Variants in MACROD2 observed in about 807,000 individuals in gnomAD.
The protein encoded by MACROD2 is mono-ADP ribosylhydrolase 2.
A neutral mutation model predicts 70.4 loss-of-function variants in MACROD2; 36 were observed. That is an observed-to-expected ratio of 0.51 (90% confidence interval 0.39 to 0.68). MACROD2 has a LOEUF of 0.68. Ranked by LOEUF, MACROD2 falls within the 30% of genes least tolerant of loss-of-function variation. MACROD2 has a pLI of 0.00. For synonymous variants in MACROD2, 172 were observed against 178.8 expected (o/e 0.96, Z 0.30); for missense variants, 496 against 538.4 (o/e 0.92, Z 0.78).
chr20:15,214,312 G>T (rs1482919172), intron 5 of MACROD2, among the ~76,000 whole-genome samples: 1 of 152,076 alleles, frequency 6.6e-6, no homozygotes, highest in Non-Finnish European at 1.5e-5. Context: ...TAAGAACTAA[G>T]TGAGGACTCC....
chr20:15,478,609 T>C (rs1371809212), intron 7 of MACROD2, among the ~76,000 whole-genome samples: 2 of 152,028 alleles, frequency 1.3e-5, no homozygotes, highest in African/African-American at 4.8e-5. Context: ...TTTTTGAGCC[T>C]AGACGTTCTC....
At chr20:15,754,514 G>A (rs536613696) in intron 8 of MACROD2, among the ~76,000 whole-genome samples, 4 of 152,048 alleles carry the variant, frequency 2.6e-5, no homozygotes, top group Middle Eastern at 3.4e-3. Context: ...GGAGGCTGAG[G>A]TAGGAGAATC....
intron 3 of MACROD2, among the ~76,000 whole-genome samples, chr20:14,354,377 T>C (rs1316238823): frequency 6.6e-6 from 1 of 152,198 alleles, no homozygotes; most frequent in East Asian, 1.9e-4. Flanking sequence ...AACTTAAATA[T>C]TTGTTTCTTG....
chr20:14,891,474 T>C (rs2073759261), intron 5 of MACROD2, among the ~76,000 whole-genome samples: 1 of 152,194 alleles, frequency 6.6e-6, no homozygotes, highest in Non-Finnish European at 1.5e-5. Context: ...CCTAACAAGA[T>C]AATAAATTCT....
At chr20:14,810,399 C>A (rs1287755260) in intron 5 of MACROD2, among the ~76,000 whole-genome samples, 1 of 151,962 alleles carries the variant, frequency 6.6e-6, no homozygotes, top group Non-Finnish European at 1.5e-5. Context: ...CCCCTTCATG[C>A]TAAAAACTCT....
chr20:14,556,963 T>G (rs1979074620), intron 4 of MACROD2, among the ~76,000 whole-genome samples: 1 of 151,978 alleles, frequency 6.6e-6, no homozygotes, highest in African/African-American at 2.4e-5. Flanking sequence ...ACTTAGATTT[T>G]CTGATTTTAA....
intron 5 of MACROD2, among the ~76,000 whole-genome samples, chr20:15,185,143 TCCTC>T (rs1158377709): frequency 1.3e-5 from 2 of 152,198 alleles, no homozygotes; most frequent in African/African-American, 4.8e-5. Context: ...TATCTTTGTA[TCCTC>T]CCTATTACCA....
At chr20:14,114,010 G>A (rs2148687197) in intron 3 of MACROD2, among the ~76,000 whole-genome samples, 1 of 151,934 alleles carries the variant, frequency 6.6e-6, no homozygotes, top group East Asian at 1.9e-4. Flanking sequence ...CTATCTTTAG[G>A]TATAGAAAAA....
chr20:16,016,982 C>G (rs1017168098), intron 15 of MACROD2, among the ~76,000 whole-genome samples: 1 of 152,208 alleles, frequency 6.6e-6, no homozygotes, highest in South Asian at 2.1e-4. Context: ...TCAACCTAAT[C>G]AAAACTACCT....
chr20:14,447,491 A>G (rs764242980), intron 3 of MACROD2, among the ~76,000 whole-genome samples: 10 of 152,080 alleles, frequency 6.6e-5, no homozygotes, highest in Non-Finnish European at 1.5e-4. Flanking sequence ...GTATGTGTGT[A>G]CGTACACGTG....
chr20:15,700,124 G>A (rs1407407525), intron 8 of MACROD2, among the ~76,000 whole-genome samples: 1 of 152,162 alleles, frequency 6.6e-6, no homozygotes, highest in Non-Finnish European at 1.5e-5. Flanking sequence ...GGTCCTGCAG[G>A]AGCAGTCTGC....
chr20:15,635,884 A>G (rs1466848424), intron 8 of MACROD2, among the ~76,000 whole-genome samples: 1 of 152,022 alleles, frequency 6.6e-6, no homozygotes, highest in African/African-American at 2.4e-5. Flanking sequence ...CCTGGCCAAC[A>G]TGGCAAAACC....
chr20:15,578,071 T>C (rs1161171425), intron 8 of MACROD2, among the ~76,000 whole-genome samples: 1 of 152,218 alleles, frequency 6.6e-6, no homozygotes, highest in Non-Finnish European at 1.5e-5. Flanking sequence ...TAACTTTGTA[T>C]GTTTTTGTAG....
chr20:14,177,488 G>T (rs1400260297), intron 3 of MACROD2, among the ~76,000 whole-genome samples: 2 of 151,862 alleles, frequency 1.3e-5, no homozygotes, highest in Admixed American at 6.6e-5. Context: ...GGCTAATTTT[G>T]TATTTTTAGT....
chr20:14,302,495 C>G (rs954027381), intron 3 of MACROD2, among the ~76,000 whole-genome samples: 5 of 152,056 alleles, frequency 3.3e-5, no homozygotes, highest in Admixed American at 6.5e-5. Context: ...GAGTTTGGTA[C>G]TTCCTTGAGA....
chr20:14,862,221 A>ATATAAATATCTATTTATATATT (rs1190558968), intron 5 of MACROD2, among the ~76,000 whole-genome samples: 1 of 21,128 alleles, frequency 4.7e-5, no homozygotes, highest in Non-Finnish European at 9.1e-5. Flanking sequence ...ATATATATAT[A>ATATAAATATCTATTTATATATT]AATATATATA....
At chr20:15,083,638 G>C (rs1487105902) in intron 5 of MACROD2, among the ~76,000 whole-genome samples, 2 of 151,710 alleles carry the variant, frequency 1.3e-5, no homozygotes, top group Non-Finnish European at 2.9e-5. Context: ...TTCTAGGCTG[G>C]CATGTAAAAT....
intron 3 of MACROD2, among the ~76,000 whole-genome samples, chr20:14,160,061 T>G (rs2055162293): frequency 6.6e-6 from 1 of 152,206 alleles, no homozygotes; most frequent in Non-Finnish European, 1.5e-5. Context: ...CTTGCATCCC[T>G]GGGATAAAGC....
rs1391686895 is a variant in MACROD2 at position 14,516,155 on chromosome 20, A to G, written c.301+22647A>G. Among the ~76,000 whole-genome samples, 3 of 151,566 alleles carry G rather than the reference A, an allele frequency of 2.0e-5. No individual in the cohort carries two copies. In the East Asian group the frequency reaches 5.8e-4, roughly 29 times the overall value. On this transcript the variant is annotated intron_variant, in intron 4 of 17. Coordinates refer to ENST00000684519, the MANE Select transcript of MACROD2 (RefSeq NM_001351661.2). ...TAAACCTTTAAAGCACTTGGGTATC[A>G]TATTTTGCTTAACAAGTATTGCTCA...
Sources: gnomAD v4.1 joint callset for allele counts (sites outside exome capture counted in the v4.1 genomes callset) on GRCh38, gnomAD v4.1.1 for gene constraint, MANE v1.5 for transcripts, NCBI Gene and HGNC (gene_info 2026-07-23, HGNC 2026-07-21) for gene names.